The following IPO11 variants were observed in gnomAD, a reference collection of about 807,000 sequenced individuals.
IPO11 encodes the protein importin 11.
Under a neutral mutation model 143.2 loss-of-function variants are expected in IPO11, and 66 were observed. The ratio of observed to expected loss-of-function variants is 0.46; its 90% CI spans 0.38 to 0.57. IPO11 has a LOEUF of 0.57. Among genes scored for constraint, IPO11 ranks in the 20% least tolerant of loss-of-function variants. The pLI is 0.00. For missense variants in IPO11, 1,026 were observed against 1,141.0 expected (o/e 0.90, Z 1.45); for synonymous variants, 385 against 377.8 (o/e 1.02, Z -0.22).
intron 2 of IPO11, among the ~76,000 whole-genome samples, chr5:62,437,662 C>T (rs1021400435): frequency 6.6e-6 from 1 of 152,134 alleles, no homozygotes; most frequent in African/African-American, 2.4e-5. Context: ...TGATGATTTT[C>T]AGTTTTAGTA....
intron 1 of IPO11, among the ~76,000 whole-genome samples, chr5:62,418,503 T>C (rs865962510): frequency 2.6e-5 from 4 of 152,330 alleles, no homozygotes; most frequent in Middle Eastern, 3.4e-3. Context: ...CAGTAAGCTA[T>C]TAACAGTATA....
At position 62,447,110 on chromosome 5, in the gene IPO11, TA is replaced by T. The variant is rs200058075; in HGVS notation, c.240-2816del. Among the ~76,000 whole-genome samples the T allele has an allele frequency of 1.1e-4, 17 of 148,626 alleles. 1 individual carries two copies. The highest frequency in any genetic ancestry group is 1.0e-3 in the South Asian group (5 of 4,820). On this transcript the variant is annotated intron_variant, in intron 3 of 29. Coordinates refer to ENST00000325324, the MANE Select transcript of IPO11 (RefSeq NM_016338.5). ...CTTTTGGTTCATAATTATATATATA[TA>T]TTTTTTTTTAAGAAGACAGGGTTTT... is the stretch of plus-strand genomic sequence containing the variant.
At chr5:62,491,614 A>T (rs1746609515) in intron 15 of IPO11, among the ~76,000 whole-genome samples, 1 of 152,116 alleles carries the variant, frequency 6.6e-6, no homozygotes, top group African/African-American at 2.4e-5. Context: ...TTTATTGATT[A>T]CATGTTGAAA....
chr5:62,478,152 G>A (rs1229217500), intron 9 of IPO11, among the ~76,000 whole-genome samples: 1 of 151,882 alleles, frequency 6.6e-6, no homozygotes, highest in Non-Finnish European at 1.5e-5. Flanking sequence ...TTAAGTGGTA[G>A]GGTTGTTTTG....
At chr5:62,518,615 A>G (rs912899470) in intron 20 of IPO11, among the ~76,000 whole-genome samples, 3 of 152,160 alleles carry the variant, frequency 2.0e-5, no homozygotes, top group African/African-American at 7.2e-5. Flanking sequence ...CCCTGTCTCA[A>G]AAATAATAAA....
intron 20 of IPO11, among the ~76,000 whole-genome samples, chr5:62,525,012 T>A (rs1440213642): frequency 6.6e-6 from 1 of 152,224 alleles, no homozygotes; most frequent in African/African-American, 2.4e-5. Flanking sequence ...TCAACCTCCC[T>A]AACAGTAATT....
intron 26 of IPO11, among the ~76,000 whole-genome samples, chr5:62,558,931 G>C (rs1353576768): frequency 6.6e-6 from 1 of 152,008 alleles, no homozygotes; most frequent in Non-Finnish European, 1.5e-5. Context: ...TACATTTTTT[G>C]GCTTTCCAGT....
chr5:62,565,725 T>C (rs1403661385), intron 27 of IPO11, among the ~76,000 whole-genome samples: 1 of 152,168 alleles, frequency 6.6e-6, no homozygotes, highest in African/African-American at 2.4e-5. Context: ...TCATCTGGGC[T>C]TTAAGCTCCG....
At chr5:62,525,241 A>C (rs992959377) in intron 20 of IPO11, among the ~76,000 whole-genome samples, 38 of 152,218 alleles carry the variant, frequency 2.5e-4, no homozygotes, top group Non-Finnish European at 3.8e-4. Context: ...TATCATATAC[A>C]GATATCTAGA....
intron 22 of IPO11, among the ~76,000 whole-genome samples, chr5:62,531,896 C>G (rs78498167): frequency 1.3e-5 from 2 of 152,020 alleles, no homozygotes; most frequent in Non-Finnish European, 2.9e-5. Flanking sequence ...GAAAAACTTA[C>G]CAAAGATGAA....
At chr5:62,603,883 A>G (rs951405856) in intron 29 of IPO11, among the ~76,000 whole-genome samples, 3 of 152,252 alleles carry the variant, frequency 2.0e-5, no homozygotes, top group Non-Finnish European at 4.4e-5. Context: ...TGGTCCGATA[A>G]GATAATGATA....
At chr5:62,499,889 T>C (rs1328562120) in intron 16 of IPO11, among the ~76,000 whole-genome samples, 1 of 152,194 alleles carries the variant, frequency 6.6e-6, no homozygotes, top group Non-Finnish European at 1.5e-5. Flanking sequence ...TACGCAGGGT[T>C]AGGATCATCA....
At chr5:62,470,172 C>T in intron 6 of IPO11, 78 bp from the exon 7 acceptor site, 2 of 1,379,122 alleles carry the variant, frequency 1.5e-6, no homozygotes, top group East Asian at 2.3e-5. Context: ...TTAAGTTTTG[C>T]AATTCTGAAT....
intron 27 of IPO11, 81 bp from the exon 28 acceptor site, chr5:62,591,496 G>T: frequency 2.7e-6 from 2 of 737,728 alleles, no homozygotes; most frequent in South Asian, 3.8e-5. Context: ...CTTCATGTTC[G>T]AGAAGATGTT....
chr5:62,546,817 A>T (rs546189751), intron 24 of IPO11, among the ~76,000 whole-genome samples: 1 of 152,294 alleles, frequency 6.6e-6, no homozygotes, highest in East Asian at 1.9e-4. Context: ...TATGAGTTTG[A>T]GAATATAAGT....
At chr5:62,587,533 G>A (rs1444854214) in intron 27 of IPO11, among the ~76,000 whole-genome samples, 1 of 151,804 alleles carries the variant, frequency 6.6e-6, no homozygotes, top group Non-Finnish European at 1.5e-5. Flanking sequence ...AAGTGAATAA[G>A]TATTTTTAAA....
intron 27 of IPO11, among the ~76,000 whole-genome samples, chr5:62,591,042 C>T (rs1744992291): frequency 6.6e-6 from 1 of 152,166 alleles, no homozygotes; most frequent in Admixed American, 6.6e-5. Context: ...AAGAGATTCT[C>T]CTGCCACAGC....
At chr5:62,439,284 G>GTTTTTTTTT (rs1226593063) in intron 2 of IPO11, among the ~76,000 whole-genome samples, 6 of 90,924 alleles carry the variant, frequency 6.6e-5, no homozygotes, top group East Asian at 3.3e-4. Context: ...AACTGCGTAG[G>GTTTTTTTTT]TTTTTTTTTT....
intron 24 of IPO11, among the ~76,000 whole-genome samples, chr5:62,546,378 C>T (rs1390101678): frequency 2.0e-5 from 3 of 152,068 alleles, no homozygotes; most frequent in Non-Finnish European, 4.4e-5. Context: ...TGTTCTCACT[C>T]ATAGATGGAA....
Sources: allele counts gnomAD v4.1 joint callset (sites outside exome capture counted in the v4.1 genomes callset), GRCh38; gene constraint gnomAD v4.1.1; transcripts MANE v1.5; gene names NCBI Gene and HGNC (gene_info 2026-07-23, HGNC 2026-07-21).